The following TNKS variants were observed in gnomAD, a reference collection of about 807,000 sequenced individuals.
TNKS encodes the protein poly [ADP-ribose] polymerase tankyrase-1.
A neutral mutation model predicts 135.8 loss-of-function variants in TNKS; 72 were observed. The ratio of observed to expected loss-of-function variants is 0.53; its 90% CI spans 0.44 to 0.64. The LOEUF (loss-of-function observed/expected upper bound fraction) is 0.64, where lower values mean the gene tolerates loss of function less well. Ranked by LOEUF, TNKS falls within the 30% of genes least tolerant of loss-of-function variation. TNKS has a pLI of 0.00. For synonymous variants in TNKS, 849 were observed against 649.3 expected, an observed-to-expected ratio of 1.31 and a Z score of -4.68; for missense variants, 1,769 against 1,674.0, an observed-to-expected ratio of 1.06 and a Z score of -0.99.
Position 9,556,491 on chromosome 8 carries a change from G to T in TNKS, c.552G>T (p.Arg184=). ...TGVPAVSGAL[R]ELLEACRNGD... is the part of the protein sequence containing the mutation. ...TCCCAGCAGTGAGCGGGGCCCTACG[G>T]GAACTGCTGGAGGCCTGTCGCAATG... The change falls in exon 1 of 27, where the codon CGG becomes CGT. Residue 184 remains arginine (R), a synonymous_variant. Transcript: ENST00000310430. 6.2e-7 allele frequency: 1 copy of T among 1,614,198 alleles called. No individual in the cohort carries two copies. Among genetic ancestry groups the T allele is most frequent in the African/African-American group, 1.3e-5 (1 of 75,056 alleles).
Position 9,556,332 on chromosome 8 carries a change from C to G in TNKS, c.393C>G (p.Ser131=), listed in dbSNP as rs200824093. Residue 131 remains serine (S), a synonymous_variant, in exon 1 of 27, where the codon TCC becomes TCG. Coordinates refer to ENST00000310430, the MANE Select transcript of TNKS (RefSeq NM_003747.3). ...AGSGSNNSPS[S]SSSPTSSSSS... is the part of the protein sequence containing the mutation. ...GTGGCAGTAACAATTCACCGTCGTC[C>G]TCTTCTTCCCCGACTTCTTCCTCAT... 1 of 1,614,270 alleles carries G rather than the reference C, an allele frequency of 6.2e-7. No individual in the cohort carries two copies. Among genetic ancestry groups the G allele is most frequent in the Non-Finnish European group, 8.5e-7 (1 of 1,180,054 alleles).
chr8:9,710,895 C>CA (rs1458868387), intron 11 of TNKS, among the ~76,000 whole-genome samples: 29 of 145,898 alleles, frequency 2.0e-4, no homozygotes, highest in South Asian at 6.5e-4. Context: ...GAATCTGTCT[C>CA]AAAAAAAAAA....
chr8:9,556,365 T>A lies in TNKS; in HGVS notation c.426T>A (p.Ser142=). The change falls in exon 1 of 27, where the codon TCT becomes TCA. Residue 142 remains serine, a synonymous_variant. Coordinates refer to ENST00000310430, the MANE Select transcript of TNKS (RefSeq NM_003747.3). ...CCCCGACTTCTTCCTCATCTTCCTC[T>A]CCATCCTCCCCTGGATCGAGCTTGG... ...SSSPTSSSSS[S]PSSPGSSLAE... 2 of 1,614,170 alleles carry A rather than the reference T, an allele frequency of 1.2e-6. No individual in the cohort carries two copies. The highest frequency in any genetic ancestry group is 1.7e-6 in the Non-Finnish European group (2 of 1,180,024).
chr8:9,705,519 T>C (rs556833167), intron 6 of TNKS, among the ~76,000 whole-genome samples: 1 of 152,282 alleles, frequency 6.6e-6, no homozygotes, highest in South Asian at 2.1e-4. Flanking sequence ...AACATAAAAA[T>C]GAACTCAATG....
chr8:9,639,392 A>G (rs1375303624), intron 3 of TNKS, among the ~76,000 whole-genome samples: 1 of 151,326 alleles, frequency 6.6e-6, no homozygotes, highest in Non-Finnish European at 1.5e-5. Flanking sequence ...GATTTTGACC[A>G]CTCATTTCTC....
intron 3 of TNKS, among the ~76,000 whole-genome samples, chr8:9,660,726 G>A (rs538246421): frequency 6.6e-6 from 1 of 152,278 alleles, no homozygotes; most frequent in East Asian, 1.9e-4. Flanking sequence ...AGTGTTGGAA[G>A]TCCTGGCCAG....
intron 3 of TNKS, among the ~76,000 whole-genome samples, chr8:9,644,790 G>C (rs944747706): frequency 5.9e-5 from 9 of 152,066 alleles, no homozygotes; most frequent in Non-Finnish European, 8.8e-5. Context: ...CTATATGATG[G>C]TGCAAAAGTG....
chr8:9,740,474 A>T lies in TNKS; in HGVS notation c.2643+4988A>T, dbSNP rs531774497. On this transcript the variant is annotated intron_variant, in intron 17 of 26. Transcript: ENST00000310430. ...TTGTAATGAGACTGTCGTCTCTCAGACCCATTTTACAAAGACCTGTATTTC... is the reference window on the plus strand; with the variant it reads ...TTGTAATGAGACTGTCGTCTCTCAGTCCCATTTTACAAAGACCTGTATTTC... Among the ~76,000 whole-genome samples the T allele has an allele frequency of 1.1e-4, 17 of 152,258 alleles. 1 individual carries two copies. The South Asian group carries it at 3.5e-3, about 32-fold the overall frequency.
intron 1 of TNKS, among the ~76,000 whole-genome samples, chr8:9,563,619 C>T (rs1797418703): frequency 6.6e-6 from 1 of 151,992 alleles, no homozygotes; most frequent in Non-Finnish European, 1.5e-5. Flanking sequence ...TTTTGTAGTC[C>T]TTTCTTGAAA....
chr8:9,665,034 C>G (rs1449224872), intron 3 of TNKS, among the ~76,000 whole-genome samples: 1 of 152,128 alleles, frequency 6.6e-6, no homozygotes, highest in Non-Finnish European at 1.5e-5. Flanking sequence ...CTTTTGAGAG[C>G]CCTCTCTGAA....
At chr8:9,706,302 T>C in intron 7 of TNKS, 49 bp downstream of exon 7, 1 of 1,339,208 alleles carries the variant, frequency 7.5e-7, no homozygotes, top group African/African-American at 1.5e-5. Flanking sequence ...TTTTTTTTTC[T>C]TTACCTTGTC....
chr8:9,584,769 T>G (rs192889387), intron 2 of TNKS, among the ~76,000 whole-genome samples: 2 of 152,340 alleles, frequency 1.3e-5, no homozygotes, highest in African/African-American at 4.8e-5. Flanking sequence ...CCTTATTCTC[T>G]ACAATTCTCA....
rs756129047 is a variant in TNKS, at chr8:9,781,445, C to T, written c.*4709C>T. 1 of 152,206 alleles carries T rather than the reference C, an allele frequency of 6.6e-6. No individual in the cohort carries two copies. Among genetic ancestry groups the T allele is most frequent in the Non-Finnish European group, 1.5e-5 (1 of 68,042 alleles). The allele number at this position is 152,206 out of a possible 1,614,324, so 9.4% of individuals were successfully genotyped here. A position where few individuals can be genotyped will look rare whatever the true frequency, so the allele number is the denominator to read the frequency against. On this transcript the variant is annotated 3_prime_UTR_variant, in exon 27 of 27. Transcript: ENST00000310430. Reference sequence around the variant, plus strand: ...AAGTTCAGGATGAAAGGCTAGAAAACCCATTCAAAGTTAGGAAAGAACACA... The same window carrying T: ...AAGTTCAGGATGAAAGGCTAGAAAATCCATTCAAAGTTAGGAAAGAACACA...
Position 9,731,002 on chromosome 8 carries a change from A to G in TNKS, c.2114A>G (p.His705Arg), listed in dbSNP as rs780600597. The change falls in exon 14 of 27, where the codon CAC becomes CGC. Residue 705 changes from histidine to arginine, a missense_variant. By Grantham distance (29) the His-to-Arg change is conservative (BLOSUM62 0). Around this residue, in one of 5 missense-constraint regions of TNKS, gnomAD observed 69 missense variants for 120.3 expected, o/e 0.57. Coordinates refer to ENST00000310430, the MANE Select transcript of TNKS (RefSeq NM_003747.3). ...GTGTCTGTTGTAGAGTACCTGCTACACCACGGTGCCGATGTCCATGCCAAA... is the reference window on the plus strand; with the variant it reads ...GTGTCTGTTGTAGAGTACCTGCTACGCCACGGTGCCGATGTCCATGCCAAA... ...NRVSVVEYLL[H>R]HGADVHAKDK... 2.5e-6 allele frequency: 4 copies of G among 1,613,086 alleles called. No individual in the cohort carries two copies. Among genetic ancestry groups the G allele is most frequent in the Non-Finnish European group, 3.4e-6 (4 of 1,179,464 alleles).
chr8:9,723,487 A>G (rs916596693), intron 12 of TNKS, among the ~76,000 whole-genome samples: 1 of 152,234 alleles, frequency 6.6e-6, no homozygotes, highest in Non-Finnish European at 1.5e-5. Context: ...AGAAGTTTAC[A>G]TTAATAAAGT....
intron 22 of TNKS, 33 bp downstream of exon 22, chr8:9,763,277 T>A: frequency 1.4e-6 from 2 of 1,443,068 alleles, no homozygotes; most frequent in Non-Finnish European, 1.9e-6. Flanking sequence ...CATTTGCTTT[T>A]CTTGAAATCT....
rs897159155 is a variant in TNKS at position 9,701,872 on chromosome 8, A to T, written c.1108-2791A>T. 3.6e-4 allele frequency among the ~76,000 whole-genome samples: 55 copies of T among 152,182 alleles called. 1 individual carries two copies. Among genetic ancestry groups the T allele is most frequent in the African/African-American group, 1.2e-3 (51 of 41,438 alleles). On this transcript the variant is annotated intron_variant, in intron 5 of 26. Transcript: ENST00000310430. ...CACAGGGGCCCCTTACAGTGTTCAG[A>T]TAAGTACTGAGTAACACATGGGTGA...
intron 1 of TNKS, among the ~76,000 whole-genome samples, chr8:9,573,301 G>T (rs1191717691): frequency 1.3e-5 from 2 of 152,140 alleles, no homozygotes; most frequent in African/African-American, 4.8e-5. Flanking sequence ...GCTGCCACAT[G>T]GTCAGATAAC....
chr8:9,564,644 T>TA (rs1797456538), intron 1 of TNKS, among the ~76,000 whole-genome samples: 2 of 152,242 alleles, frequency 1.3e-5, no homozygotes, highest in African/African-American at 4.8e-5. Flanking sequence ...TTCTTACCTT[T>TA]TTATTTTTCC....
Sources: gnomAD v4.1 joint callset for allele counts (sites outside exome capture counted in the v4.1 genomes callset) on GRCh38, gnomAD v4.1.1 for gene constraint, gnomAD v4.1.1 regional missense constraint, MANE v1.5 for transcripts, NCBI Gene and HGNC (gene_info 2026-07-23, HGNC 2026-07-21) for gene names.